Variants in GPRIN3 observed in about 807,000 individuals in gnomAD.
GPRIN3 encodes GPRIN family member 3.
A neutral mutation model predicts 13.7 loss-of-function variants in GPRIN3; 12 were observed. That is an observed-to-expected ratio of 0.87 (90% CI 0.56 to 1.42). The LOEUF is 1.42. GPRIN3 is among the 40% of genes most tolerant of loss of function. The probability of loss-of-function intolerance (pLI) is 0.00; values close to 1 mark genes in which losing one functional copy is unlikely to be tolerated. For missense variants in GPRIN3, 1,009 were observed against 958.7 expected, an observed-to-expected ratio of 1.05 and a Z score of -0.69; for synonymous variants, 377 against 372.7, an observed-to-expected ratio of 1.01 and a Z score of -0.13.
intron 1 of GPRIN3, among the ~76,000 whole-genome samples, chr4:89,268,625 T>A (rs1436032364): frequency 6.6e-6 from 1 of 152,216 alleles, no homozygotes; most frequent in African/African-American, 2.4e-5. Flanking sequence ...ACTGAGTTGA[T>A]CCTGAAATTC....
At position 89,238,731 on chromosome 4, in the gene GPRIN3, G is replaced by C. The variant is rs1347880964; in HGVS notation, c.*9049C>G. The C allele has an allele frequency of 6.6e-6, 1 of 152,162 alleles. No homozygotes were observed. Among genetic ancestry groups the C allele is most frequent in the African/African-American group, 2.4e-5 (1 of 41,428 alleles). The allele number at this position is 152,162 out of a possible 1,614,324, so 9.4% of individuals were successfully genotyped here. On this transcript the variant is annotated 3_prime_UTR_variant, in exon 2 of 2. Transcript: ENST00000609438. ...AGTTCTTTCATTGCAAATACTTCCA[G>C]TTCCACTGCAGATTCCTAGCAGAAG...
Position 89,248,026 on chromosome 4 carries a change from C to T in GPRIN3, c.2085G>A (p.Val695=). ...VWDEQGMTWE[V]YGASLDAESL... ...ACTCTGCGTCCAAGGATGCACCATA[C>T]ACTTCCCAGGTCATTCCCTGCTCAT... Residue 695 remains valine (V), a synonymous_variant, in exon 2 of 2, where the codon GTG becomes GTA. Transcript: ENST00000609438. The T allele has an allele frequency of 6.2e-7, 1 of 1,614,132 alleles. No homozygotes were observed. Among genetic ancestry groups the T allele is most frequent in the Non-Finnish European group, 8.5e-7 (1 of 1,180,010 alleles).
At chr4:89,295,996 G>A (rs1490535029) in intron 1 of GPRIN3, among the ~76,000 whole-genome samples, 1 of 152,008 alleles carries the variant, frequency 6.6e-6, no homozygotes, top group Non-Finnish European at 1.5e-5. Flanking sequence ...AATATACTTT[G>A]AAATGTGTTC....
intron 1 of GPRIN3, among the ~76,000 whole-genome samples, chr4:89,291,986 T>C (rs1020099840): frequency 2.6e-5 from 4 of 152,168 alleles, no homozygotes; most frequent in African/African-American, 9.7e-5. Flanking sequence ...GTATTAGCTC[T>C]CCCACTAGAC....
chr4:89,248,212 G>A lies in GPRIN3; in HGVS notation c.1899C>T (p.Arg633=), dbSNP rs373345735. ...GGAACTCGCTGACGCGGCTGGGCCT[G>A]CGTGGGCTGGCTTTGACGGAGCGAG... ...TPSRSVKASP[R]RPSRVSEFLK... Residue 633 remains arginine (R), a synonymous_variant, in exon 2 of 2, where the codon CGC becomes CGT. Transcript: ENST00000609438. 6.8e-6 allele frequency: 11 copies of A among 1,614,206 alleles called. No homozygotes were observed. Among genetic ancestry groups the A allele is most frequent in the Non-Finnish European group, 8.5e-6 (10 of 1,180,026 alleles).
rs1021490471 is a variant in GPRIN3, at chr4:89,245,238, G to A, written c.*2542C>T. On this transcript the variant is annotated 3_prime_UTR_variant, in exon 2 of 2. Transcript: ENST00000609438. ...TCCTTAAAAGCTGTTAGTTATATAG[G>A]GTTTAATGAGCCACAAAACAAACAA... The A allele has an allele frequency of 5.3e-5, 8 of 151,976 alleles. No homozygotes were observed. The highest frequency in any genetic ancestry group is 1.5e-4 in the African/African-American group (6 of 41,356). The allele number at this position is 151,976 out of a possible 1,614,324, so 9.4% of individuals were successfully genotyped here. A position where few individuals can be genotyped will look rare whatever the true frequency, so the allele number is the denominator to read the frequency against.
At position 89,250,253 on chromosome 4, in the gene GPRIN3, C is replaced by A; in HGVS notation, c.-123-20G>T. 1 of 1,478,254 alleles carries A rather than the reference C, an allele frequency of 6.8e-7. No individual in the cohort carries two copies. Among genetic ancestry groups the A allele is most frequent in the Non-Finnish European group, 9.0e-7 (1 of 1,111,852 alleles). 91.6% of individuals were successfully genotyped at this position (1,478,254 alleles called of 1,614,324 possible). ...ACCAGCCTGTGAATCAAGGAAACAG[C>A]ATCATTAATACAGTACGTCGCTTAA... On this transcript the variant is annotated intron_variant, in intron 1 of 1. Coordinates refer to ENST00000609438, the MANE Select transcript of GPRIN3 (RefSeq NM_198281.3).
At chr4:89,275,000 G>A (rs1157719998) in intron 1 of GPRIN3, among the ~76,000 whole-genome samples, 1 of 152,158 alleles carries the variant, frequency 6.6e-6, no homozygotes, top group Non-Finnish European at 1.5e-5. Flanking sequence ...TTGGATGGCT[G>A]GTGTTTGTCA....
At chr4:89,305,862 G>A (rs1238539649) in intron 1 of GPRIN3, among the ~76,000 whole-genome samples, 2 of 152,098 alleles carry the variant, frequency 1.3e-5, no homozygotes, top group Non-Finnish European at 2.9e-5. Flanking sequence ...CTCATACAAC[G>A]CCTCAGTCCT....
intron 1 of GPRIN3, among the ~76,000 whole-genome samples, chr4:89,279,999 C>A (rs1198675215): frequency 1.3e-5 from 2 of 152,154 alleles, no homozygotes; most frequent in African/African-American, 4.8e-5. Context: ...GTCCAAAACT[C>A]ATCCGTTTTC....
rs553281365 is a variant in GPRIN3, at chr4:89,257,802, A to T, written c.-123-7569T>A. 5.3e-5 allele frequency among the ~76,000 whole-genome samples: 8 copies of T among 152,294 alleles called. No homozygotes were observed. In the South Asian group the frequency reaches 1.7e-3, roughly 32 times the overall value. On this transcript the variant is annotated intron_variant, in intron 1 of 1. Coordinates refer to ENST00000609438, the MANE Select transcript of GPRIN3 (RefSeq NM_198281.3). ...TCAAAAAGCATAGTGGTATAGGAAC[A>T]TTCCTTTAAACCCTATTACTAACCG...
chr4:89,272,359 C>T (rs1723982042), intron 1 of GPRIN3, among the ~76,000 whole-genome samples: 1 of 152,174 alleles, frequency 6.6e-6, no homozygotes, highest in Admixed American at 6.5e-5. Context: ...GGGATCATGC[C>T]TACCATACCA....
In GPRIN3 at chr4:89,269,090, A is replaced by G. The variant is rs186549112; in HGVS notation, c.-123-18857T>C. Among the ~76,000 whole-genome samples the G allele has an allele frequency of 2.0e-3, 302 of 152,320 alleles. 12 individuals carry two copies. In the South Asian group the frequency reaches 0.056, roughly 28 times the overall value. ...ATGGCAGATTTATTCCCATGCAGAAAGGATCTCCAAATATTTCTAGGTTAG... is the reference window on the plus strand; with the variant it reads ...ATGGCAGATTTATTCCCATGCAGAAGGGATCTCCAAATATTTCTAGGTTAG... On this transcript the variant is annotated intron_variant, in intron 1 of 1. Coordinates refer to ENST00000609438, the MANE Select transcript of GPRIN3 (RefSeq NM_198281.3).
rs996408042 is a variant in GPRIN3 at position 89,242,372 on chromosome 4, C to T, written c.*5408G>A. 6 of 152,174 alleles carry T rather than the reference C, an allele frequency of 3.9e-5. No individual in the cohort carries two copies. Among genetic ancestry groups the T allele is most frequent in the African/African-American group, 1.2e-4 (5 of 41,448 alleles). The allele number at this position is 152,174 out of a possible 1,614,324, so 9.4% of individuals were successfully genotyped here. A position where few individuals can be genotyped will look rare whatever the true frequency, so the allele number is the denominator to read the frequency against. The stretch of plus-strand genomic sequence containing the variant: ...CCTCTGGGCAGAGTTAACTGAATTG[C>T]TTTCTACATGCTAGTGTCCAGAAAG... On this transcript the variant is annotated 3_prime_UTR_variant, in exon 2 of 2. Transcript: ENST00000609438.
At chr4:89,290,653 T>C (rs1401634829) in intron 1 of GPRIN3, among the ~76,000 whole-genome samples, 1 of 152,206 alleles carries the variant, frequency 6.6e-6, no homozygotes, top group African/African-American at 2.4e-5. Flanking sequence ...TCTGATTTAA[T>C]TACAGTTATT....
chr4:89,284,930 C>T (rs1408297959), intron 1 of GPRIN3, among the ~76,000 whole-genome samples: 1 of 152,188 alleles, frequency 6.6e-6, no homozygotes, highest in Non-Finnish European at 1.5e-5. Flanking sequence ...GCAACTTCCC[C>T]AATTACTACT....
chr4:89,289,919 C>T (rs1262753120), intron 1 of GPRIN3, among the ~76,000 whole-genome samples: 2 of 152,076 alleles, frequency 1.3e-5, no homozygotes, highest in Non-Finnish European at 2.9e-5. Flanking sequence ...ACCTGGCACT[C>T]TCCAGTTTGT....
intron 1 of GPRIN3, among the ~76,000 whole-genome samples, chr4:89,289,113 G>C (rs184853060): frequency 2.0e-4 from 30 of 148,728 alleles, no homozygotes; most frequent in African/African-American, 7.5e-4. Flanking sequence ...TCTCCTTCAG[G>C]CCTCTTCTTT....
At chr4:89,251,866 C>T (rs969906604) in intron 1 of GPRIN3, among the ~76,000 whole-genome samples, 8 of 151,594 alleles carry the variant, frequency 5.3e-5, no homozygotes, top group African/African-American at 1.9e-4. Flanking sequence ...AAGTTGGGGA[C>T]AGAGAGGGGA....
Sources: allele counts gnomAD v4.1 joint callset (sites outside exome capture counted in the v4.1 genomes callset), GRCh38; gene constraint gnomAD v4.1.1; transcripts MANE v1.5; gene names NCBI Gene and HGNC (gene_info 2026-07-23, HGNC 2026-07-21).